LIMK2: variants seen among roughly 807,000 people sequenced by gnomAD.
The protein encoded by LIMK2 is LIM domain kinase 2.
Under a neutral mutation model 75.7 loss-of-function variants are expected in LIMK2, and 35 were observed. That is an observed-to-expected ratio of 0.46 (90% CI 0.35 to 0.61). The LOEUF is 0.61. Among genes scored for constraint, LIMK2 ranks in the 20% least tolerant of loss-of-function variants. The probability of loss-of-function intolerance (pLI) is 0.00; values close to 1 mark genes in which losing one functional copy is unlikely to be tolerated. For synonymous variants in LIMK2, 301 were observed against 319.2 expected, an observed-to-expected ratio of 0.94 and a Z score of 0.61; for missense variants, 623 against 831.0, an observed-to-expected ratio of 0.75 and a Z score of 3.08.
At chr22:31,275,411 C>G (rs1198183749) in intron 15 of LIMK2, 103 bp downstream of exon 15, 1 of 1,183,800 alleles carries the variant, frequency 8.4e-7, no homozygotes, top group Admixed American at 2.3e-5. Context: ...TGAGAGAAGC[C>G]TTGAGGTCAA....
intron 12 of LIMK2, among the ~76,000 whole-genome samples, chr22:31,271,451 T>C (rs1162354774): frequency 6.6e-6 from 1 of 152,208 alleles, no homozygotes; most frequent in Non-Finnish European, 1.5e-5. Context: ...CTTCAGAAGT[T>C]TGTTGACTAT....
chr22:31,277,309 T>C (rs2049040317), intron 15 of LIMK2: 2 of 1,446,200 alleles, frequency 1.4e-6, no homozygotes, highest in Admixed American at 5.7e-5. Flanking sequence ...TTTTCCACTT[T>C]TGGATTTTTT....
intron 11 of LIMK2, among the ~76,000 whole-genome samples, chr22:31,268,757 C>G (rs1415747628): frequency 1.3e-5 from 2 of 152,206 alleles, no homozygotes; most frequent in East Asian, 3.9e-4. Context: ...AGGCACTGGG[C>G]TGAGGGATTA....
chr22:31,259,894 A>G lies in LIMK2; in HGVS notation c.368A>G (p.Lys123Arg), dbSNP rs764802452. ...LVQHATLYCGKCHNEVVLAPM... is the reference protein window; with the variant it reads ...LVQHATLYCGRCHNEVVLAPM... Reference sequence around the variant, plus strand: ...CCCCTGTGCCCTCTCCCCAGTGGGAAGTGCCACAATGAGGTGGTGCTGGCA... The same window carrying G: ...CCCCTGTGCCCTCTCCCCAGTGGGAGGTGCCACAATGAGGTGGTGCTGGCA... Residue 123 changes from lysine to arginine, a missense_variant, in exon 5 of 16, where the codon AAG becomes AGG. By Grantham distance (26) the Lys-to-Arg change is conservative (BLOSUM62 2). Coordinates refer to ENST00000331728, the MANE Select transcript of LIMK2 (RefSeq NM_005569.4). 1 of 1,604,458 alleles carries G rather than the reference A, an allele frequency of 6.2e-7. No homozygotes were observed. Among genetic ancestry groups the G allele is most frequent in the Non-Finnish European group, 8.5e-7 (1 of 1,177,266 alleles).
chr22:31,221,494 T>C (rs182724705), intron 1 of LIMK2, among the ~76,000 whole-genome samples: 1 of 152,182 alleles, frequency 6.6e-6, no homozygotes, highest in African/African-American at 2.4e-5. Flanking sequence ...ATAATAATTA[T>C]TATTTTTTGA....
Position 31,262,359 on chromosome 22 carries a change from C to A in LIMK2, c.657+120C>A. ...CCCATCTCTTTGTCTTAGCATTGAG[C>A]CTGTGACCACTGGTGACCTATTTCA... On this transcript the variant is annotated intron_variant, in intron 6 of 15. Coordinates refer to ENST00000331728, the MANE Select transcript of LIMK2 (RefSeq NM_005569.4). The surrounding 1 kb of genome is among the most constrained non-coding windows in gnomAD (Gnocchi z 5.0). 1 of 881,220 alleles carries A rather than the reference C, an allele frequency of 1.1e-6. No homozygotes were observed. Among genetic ancestry groups the A allele is most frequent in the Non-Finnish European group, 1.8e-6 (1 of 544,106 alleles). The allele number at this position is 881,220 out of a possible 1,614,324, so 54.6% of individuals were successfully genotyped here.
chr22:31,229,120 ACAAT>A (rs1264761600), intron 2 of LIMK2, among the ~76,000 whole-genome samples: 1 of 152,206 alleles, frequency 6.6e-6, no homozygotes, highest in Non-Finnish European at 1.5e-5. Flanking sequence ...CTACCCTGAC[ACAAT>A]CAAGCCAAAT....
chr22:31,274,472 C>T (rs1177412719), intron 14 of LIMK2, among the ~76,000 whole-genome samples: 1 of 152,188 alleles, frequency 6.6e-6, no homozygotes, highest in Non-Finnish European at 1.5e-5. Flanking sequence ...GCAATCTTGG[C>T]TCACTGCAGC....
chr22:31,230,730 T>G (rs1487933989), intron 2 of LIMK2, among the ~76,000 whole-genome samples: 1 of 152,178 alleles, frequency 6.6e-6, no homozygotes, highest in Admixed American at 6.5e-5. Flanking sequence ...CCGCTAAATT[T>G]AGTGACTCCA....
intron 1 of LIMK2, among the ~76,000 whole-genome samples, chr22:31,224,121 G>T (rs2048459145): frequency 2.6e-5 from 4 of 152,188 alleles, no homozygotes; most frequent in Admixed American, 2.0e-4. Flanking sequence ...TAACAACCTT[G>T]TCCTGCTTTC....
chr22:31,262,466 C>A lies in LIMK2; in HGVS notation c.658-129C>A. 1.1e-6 allele frequency: 1 copy of A among 928,920 alleles called. No homozygotes were observed. The highest frequency in any genetic ancestry group is 1.6e-5 in the South Asian group (1 of 63,598). 57.5% of individuals were successfully genotyped at this position (928,920 alleles called of 1,614,324 possible). Reference sequence around the variant, plus strand: ...TGCCAGGCAGAGGGCACTGTGAGGCCACTGGCAGCTAAAGGCCACCATTAG... The same window carrying A: ...TGCCAGGCAGAGGGCACTGTGAGGCAACTGGCAGCTAAAGGCCACCATTAG... On this transcript the variant is annotated intron_variant, in intron 6 of 15. Coordinates refer to ENST00000331728, the MANE Select transcript of LIMK2 (RefSeq NM_005569.4). This position sits in a 1 kb window ranked among gnomAD's most constrained non-coding sequence, Gnocchi z 5.0.
intron 15 of LIMK2, chr22:31,276,653 A>AGGGGCCCCACGC: frequency 9.9e-7 from 1 of 1,014,624 alleles, no homozygotes; most frequent in Non-Finnish European, 1.2e-6. Context: ...CGGCACAAGG[A>AGGGGCCCCACGC]GGGGCCCCAC....
chr22:31,259,243 T>C lies in LIMK2; in HGVS notation c.362+13T>C. The C allele has an allele frequency of 3.3e-6, 5 of 1,524,302 alleles. No homozygotes were observed. Among genetic ancestry groups the C allele is most frequent in the Non-Finnish European group, 4.6e-6 (5 of 1,098,428 alleles). The allele number at this position is 1,524,302 out of a possible 1,614,324, so 94.4% of individuals were successfully genotyped here. ...CCACCCTCTACTGGTAAGATAGTGG[T>C]CCTTTGTCTATCCTCTCCCATATAA... is the stretch of plus-strand genomic sequence containing the variant. On this transcript the variant is annotated intron_variant, in intron 4 of 15. Coordinates refer to ENST00000331728, the MANE Select transcript of LIMK2 (RefSeq NM_005569.4).
chr22:31,273,581 C>T (rs1351437011), intron 14 of LIMK2, 74 bp downstream of exon 14: 1 of 1,197,640 alleles, frequency 8.3e-7, no homozygotes, highest in Non-Finnish European at 1.2e-6. Flanking sequence ...ACTGGGGCAT[C>T]TCCTCCTAGG....
chr22:31,259,943 A>G lies in LIMK2; in HGVS notation c.417A>G (p.Thr139=), dbSNP rs780163102. ...VLAPMFERLS[T]ESVQEQLPYS... ...CACCCATGTTTGAGAGACTCTCCAC[A>G]GAGTCTGTTCAGGAGCAGCTGCCCT... The change falls in exon 5 of 16, where the codon ACA becomes ACG. Residue 139 remains threonine, a synonymous_variant. Coordinates refer to ENST00000331728, the MANE Select transcript of LIMK2 (RefSeq NM_005569.4). The G allele has an allele frequency of 5.0e-6, 8 of 1,610,938 alleles. No individual in the cohort carries two copies. Among genetic ancestry groups the G allele is most frequent in the Admixed American group, 1.7e-5 (1 of 59,256 alleles).
At chr22:31,239,405 T>C (rs567598498) in intron 2 of LIMK2, among the ~76,000 whole-genome samples, 1 of 152,378 alleles carries the variant, frequency 6.6e-6, no homozygotes, top group South Asian at 2.1e-4. Context: ...ATATGTGCCA[T>C]GCACTAGAGC....
At chr22:31,250,906 G>C (rs1445337348) in intron 2 of LIMK2, among the ~76,000 whole-genome samples, 1 of 152,202 alleles carries the variant, frequency 6.6e-6, no homozygotes, top group East Asian at 1.9e-4. Flanking sequence ...GGAGTACAAA[G>C]TCTATGGGAG....
chr22:31,259,832 T>TG (rs549132944), intron 4 of LIMK2, 57 bp from the exon 5 acceptor site: 4 of 1,491,428 alleles, frequency 2.7e-6, no homozygotes, highest in Non-Finnish European at 3.6e-6. Context: ...CAGTGGTTGC[T>TG]GGGGGGCTTC....
intron 2 of LIMK2, among the ~76,000 whole-genome samples, chr22:31,228,803 C>T (rs1233350218): frequency 6.6e-6 from 1 of 151,940 alleles, no homozygotes; most frequent in Non-Finnish European, 1.5e-5. Context: ...ATTAGCCAGG[C>T]GTGATGGCAC....
Sources: gnomAD v4.1 joint callset for allele counts (sites outside exome capture counted in the v4.1 genomes callset) on GRCh38, gnomAD v4.1.1 for gene constraint, Gnocchi (gnomAD v3.1) non-coding constraint, MANE v1.5 for transcripts, NCBI Gene and HGNC (gene_info 2026-07-23, HGNC 2026-07-21) for gene names.